Variants in PPP1R13B observed in about 807,000 individuals in gnomAD.
PPP1R13B encodes apoptosis-stimulating of p53 protein 1.
Under a neutral mutation model 119.8 loss-of-function variants are expected in PPP1R13B, and 44 were observed. That is an observed-to-expected ratio of 0.37 (90% confidence interval 0.29 to 0.47). The LOEUF (loss-of-function observed/expected upper bound fraction) is 0.47, where lower values mean the gene tolerates loss of function less well. Ranked by LOEUF, PPP1R13B falls within the 20% of genes least tolerant of loss-of-function variation. PPP1R13B has a pLI of 0.99. For synonymous variants in PPP1R13B, 542 were observed against 561.5 expected (o/e 0.97, Z 0.49); for missense variants, 1,227 against 1,413.5 (o/e 0.87, Z 2.12).
At chr14:103,800,828 C>T (rs1434337185) in intron 1 of PPP1R13B, among the ~76,000 whole-genome samples, 1 of 152,064 alleles carries the variant, frequency 6.6e-6, no homozygotes, top group African/African-American at 2.4e-5. Context: ...ACTCTAACTC[C>T]TCACCGTTAC....
At chr14:103,819,507 A>C (rs1037074199) in intron 1 of PPP1R13B, among the ~76,000 whole-genome samples, 12 of 146,084 alleles carry the variant, frequency 8.2e-5, no homozygotes, top group East Asian at 4.0e-4. Context: ...ATTAAAAAAA[A>C]CAAACAAACA....
rs193153603 is a variant in PPP1R13B at position 103,796,176 on chromosome 14, G to A, written c.157+1195C>T. Among the ~76,000 whole-genome samples the A allele has an allele frequency of 3.1e-3, 475 of 152,236 alleles. 7 individuals are homozygous for A. The highest frequency in any genetic ancestry group is 0.02 in the Admixed American group (303 of 15,270). ...TGCATGCCTGTAGTCCCAGCTACAC[G>A]AGAGGCTGAGGTGGGAGCACTGCTT... is the stretch of plus-strand genomic sequence containing the variant. On this transcript the variant is annotated intron_variant, in intron 2 of 16. Coordinates refer to ENST00000202556, the MANE Select transcript of PPP1R13B (RefSeq NM_015316.3).
chr14:103,835,958 C>T lies in PPP1R13B; in HGVS notation c.9+11341G>A, dbSNP rs542814757. 2.6e-3 allele frequency among the ~76,000 whole-genome samples: 396 copies of T among 151,334 alleles called. 4 individuals carry two copies. The highest frequency in any genetic ancestry group is 8.9e-3 in the African/African-American group (367 of 41,260). ...GTCTCACTATGTTGCCCTGTCTAGT[C>T]TCAAACTCCTAGCCTCAAGCAATCC... is the stretch of plus-strand genomic sequence containing the variant. On this transcript the variant is annotated intron_variant, in intron 1 of 16. Transcript: ENST00000202556.
intron 3 of PPP1R13B, 113 bp downstream of exon 3, chr14:103,784,682 C>A: frequency 9.8e-7 from 1 of 1,023,956 alleles, no homozygotes; most frequent in Non-Finnish European, 1.3e-6. Context: ...TCCCTCTAGC[C>A]ACTTGTAAGT....
chr14:103,798,925 A>C (rs1046434607), intron 1 of PPP1R13B, among the ~76,000 whole-genome samples: 1 of 151,826 alleles, frequency 6.6e-6, no homozygotes, highest in Non-Finnish European at 1.5e-5. Context: ...CCTGAGTTCA[A>C]GCAATCCTCT....
chr14:103,835,292 T>G (rs1219948199), intron 1 of PPP1R13B, among the ~76,000 whole-genome samples: 1 of 151,996 alleles, frequency 6.6e-6, no homozygotes, highest in Non-Finnish European at 1.5e-5. Context: ...CCAGCTAATT[T>G]TTGTATTATT....
chr14:103,767,387 T>TA (rs1454516197), intron 4 of PPP1R13B, among the ~76,000 whole-genome samples: 2 of 152,022 alleles, frequency 1.3e-5, no homozygotes, highest in Admixed American at 1.3e-4. Flanking sequence ...CTTTTCTGCT[T>TA]GTATCACCAT....
intron 5 of PPP1R13B, among the ~76,000 whole-genome samples, chr14:103,756,195 G>A (rs1049273235): frequency 9.9e-5 from 15 of 151,906 alleles, no homozygotes; most frequent in African/African-American, 3.6e-4. Context: ...CCGGCTTCAA[G>A]AGATTCTCCT....
At chr14:103,741,192 C>G (rs1421878366) in intron 11 of PPP1R13B, among the ~76,000 whole-genome samples, 1 of 152,238 alleles carries the variant, frequency 6.6e-6, no homozygotes, top group Non-Finnish European at 1.5e-5. Flanking sequence ...TAAGAAGGCC[C>G]TAGCCTAGAC....
chr14:103,813,797 T>G (rs1394161913), intron 1 of PPP1R13B, among the ~76,000 whole-genome samples: 1 of 152,114 alleles, frequency 6.6e-6, no homozygotes, highest in Non-Finnish European at 1.5e-5. Flanking sequence ...TTGTAAAAGG[T>G]ATTTCTTAGT....
At chr14:103,809,795 C>A (rs2086103330) in intron 1 of PPP1R13B, among the ~76,000 whole-genome samples, 1 of 151,488 alleles carries the variant, frequency 6.6e-6, no homozygotes, top group East Asian at 2.0e-4. Context: ...TGCACTCCAG[C>A]CTGGGTGACA....
rs189915086 is a variant in PPP1R13B at position 103,819,352 on chromosome 14, C to A, written c.10-21834G>T. ...GGAACAAGCACAGAATTAGGAAGAC[C>A]TAGACATGGTGGTGCAGGCCTGTAG... On this transcript the variant is annotated intron_variant, in intron 1 of 16. Coordinates refer to ENST00000202556, the MANE Select transcript of PPP1R13B (RefSeq NM_015316.3). Among the ~76,000 whole-genome samples, 736 of 152,090 alleles carry A rather than the reference C, an allele frequency of 4.8e-3. 3 individuals carry two copies. The highest frequency in any genetic ancestry group is 8.3e-3 in the Non-Finnish European group (562 of 67,974).
In PPP1R13B at chr14:103,742,804, T is replaced by C. The variant is rs2084292608; in HGVS notation, c.1170A>G (p.Pro390=). 1.2e-6 allele frequency: 2 copies of C among 1,614,116 alleles called. No homozygotes were observed. The highest frequency in any genetic ancestry group is 8.5e-7 in the Non-Finnish European group (1 of 1,180,018). ...RSKSANDGNW[P]TLKQNSSSSV... is the part of the protein sequence containing the mutation. ...AAGAGCTAGAATTCTGTTTTAATGT[T>C]GGCCAGTTTCCATCATTAGCTTGAA... The change falls in exon 10 of 17, where the codon CCA becomes CCG. Residue 390 remains proline, a synonymous_variant. Transcript: ENST00000202556. The surrounding 1 kb of genome is among the most constrained non-coding windows in gnomAD (Gnocchi z 4.9).
At chr14:103,785,243 G>C (rs1302057251) in intron 2 of PPP1R13B, among the ~76,000 whole-genome samples, 1 of 152,172 alleles carries the variant, frequency 6.6e-6, no homozygotes, top group African/African-American at 2.4e-5. Flanking sequence ...GGTTGAGATG[G>C]GGTTTTGCTC....
In PPP1R13B at chr14:103,733,570, G is replaced by GTGTT. The variant is rs1198450590; in HGVS notation, c.*1580_*1583dup. The stretch of plus-strand genomic sequence containing the variant: ...TCACCAAGGGGAACGTGGGGGCTTT[G>GTGTT]TGTTTTGTACTTTTCACTCACTATT... On this transcript the variant is annotated 3_prime_UTR_variant, in exon 17 of 17. Transcript: ENST00000202556. 6.5e-6 allele frequency: 1 copy of GTGTT among 153,386 alleles called. No homozygotes were observed. Among genetic ancestry groups the GTGTT allele is most frequent in the Non-Finnish European group, 1.5e-5 (1 of 68,572 alleles). The allele number at this position is 153,386 out of a possible 1,614,324, so 9.5% of individuals were successfully genotyped here. A position where few individuals can be genotyped will look rare whatever the true frequency, so the allele number is the denominator to read the frequency against.
chr14:103,751,018 G>C (rs2084530967), intron 7 of PPP1R13B, among the ~76,000 whole-genome samples: 1 of 151,976 alleles, frequency 6.6e-6, no homozygotes, highest in Non-Finnish European at 1.5e-5. Context: ...GCCAGGTATG[G>C]TGGCGGGTGC....
At chr14:103,776,139 T>TGGAA (rs1377665687) in intron 4 of PPP1R13B, among the ~76,000 whole-genome samples, 14 of 119,296 alleles carry the variant, frequency 1.2e-4, no homozygotes, top group South Asian at 2.6e-4. Flanking sequence ...CTGCAAGAGC[T>TGGAA]GGAAGGAAGG....
At chr14:103,840,694 G>A (rs1567165025) in intron 1 of PPP1R13B, among the ~76,000 whole-genome samples, 3 of 151,974 alleles carry the variant, frequency 2.0e-5, no homozygotes, top group Admixed American at 1.3e-4. Context: ...TGGAGGATGA[G>A]GCAGGAAAAT....
chr14:103,846,702 G>A, intron 1 of PPP1R13B: 1 of 455,884 alleles, frequency 2.2e-6, no homozygotes, highest in Non-Finnish European at 4.4e-6. Context: ...GCAGGACAAA[G>A]ACACCACCAC....
Sources: gnomAD v4.1 joint callset for allele counts (sites outside exome capture counted in the v4.1 genomes callset) on GRCh38, gnomAD v4.1.1 for gene constraint, Gnocchi (gnomAD v3.1) non-coding constraint, MANE v1.5 for transcripts, NCBI Gene and HGNC (gene_info 2026-07-23, HGNC 2026-07-21) for gene names.